Variants in WWOX observed in about 807,000 individuals in gnomAD.
The protein encoded by WWOX is WW domain containing oxidoreductase.
In WWOX, 69 loss-of-function variants were observed where a neutral mutation model predicts 46.2. The observed-to-expected ratio is 1.49, with a 90% CI of 1.23 to 1.82. The LOEUF (loss-of-function observed/expected upper bound fraction) is 1.82, where lower values mean the gene tolerates loss of function less well. WWOX is among the 40% of genes most tolerant of loss of function. The pLI is 0.00. For synonymous variants in WWOX, 359 were observed against 202.6 expected, an observed-to-expected ratio of 1.77 and a Z score of -6.56; for missense variants, 919 against 542.6, an observed-to-expected ratio of 1.69 and a Z score of -6.89.
intron 5 of WWOX, among the ~76,000 whole-genome samples, chr16:78,363,840 C>A (rs918434167): frequency 3.3e-5 from 5 of 152,108 alleles, no homozygotes; most frequent in South Asian, 4.1e-4. Context: ...CAGGAACTTG[C>A]CCGAGGTCAT....
intron 8 of WWOX, among the ~76,000 whole-genome samples, chr16:78,657,040 C>G (rs1419421916): frequency 6.6e-6 from 1 of 152,166 alleles, no homozygotes; most frequent in Non-Finnish European, 1.5e-5. Flanking sequence ...GAAAATAATG[C>G]AGCCCCTTGT....
At chr16:79,049,751 C>T (rs951299062) in intron 8 of WWOX, among the ~76,000 whole-genome samples, 1 of 150,634 alleles carries the variant, frequency 6.6e-6, no homozygotes, top group Non-Finnish European at 1.5e-5. Context: ...CAGAGAATTG[C>T]TTGAACCTGG....
intron 8 of WWOX, among the ~76,000 whole-genome samples, chr16:79,053,859 C>T (rs8052586): frequency 0.068 from 10,387 of 152,166 alleles, 500 homozygotes; most frequent in African/African-American, 0.12. Context: ...AGTTTGCCAG[C>T]CCGAAAACTC....
chr16:79,116,143 T>C (rs1224970482), intron 8 of WWOX, among the ~76,000 whole-genome samples: 1 of 152,236 alleles, frequency 6.6e-6, no homozygotes, highest in Non-Finnish European at 1.5e-5. Flanking sequence ...CAGCAAGTTG[T>C]CATCTTTTTG....
chr16:78,882,973 C>G (rs1158425216), intron 8 of WWOX, among the ~76,000 whole-genome samples: 1 of 152,152 alleles, frequency 6.6e-6, no homozygotes, highest in East Asian at 1.9e-4. Context: ...AGCCACAGAA[C>G]TGTGAGTGAC....
At position 79,060,780 on chromosome 16, in the gene WWOX, C is replaced by T. The variant is rs2048344714; in HGVS notation, c.1057-150828C>T. Among the ~76,000 whole-genome samples the T allele has an allele frequency of 2.0e-5, 3 of 152,292 alleles. No individual in the cohort carries two copies. The South Asian group carries it at 6.2e-4, about 32-fold the overall frequency. ...CTCTGTTTTTTAAGACTCTCAGTCT[C>T]CTTGCAGGTGCCTTTGGAGAGTTAG... is the stretch of plus-strand genomic sequence containing the variant. On this transcript the variant is annotated intron_variant, in intron 8 of 8. Coordinates refer to ENST00000566780, the MANE Select transcript of WWOX (RefSeq NM_016373.4).
chr16:78,602,337 A>G (rs1018102452), intron 8 of WWOX, among the ~76,000 whole-genome samples: 3 of 152,094 alleles, frequency 2.0e-5, no homozygotes, highest in Admixed American at 6.5e-5. Flanking sequence ...GGTTCCAGCG[A>G]TTCTCCTGCC....
rs530184383 is a variant in WWOX, at chr16:78,125,642, G to T, written c.409+10488G>T. 3.3e-5 allele frequency among the ~76,000 whole-genome samples: 5 copies of T among 152,204 alleles called. No individual in the cohort carries two copies. The South Asian group carries it at 6.2e-4, about 19-fold the overall frequency. ...TTTGGGAGGCTGAGGCAGGAGGATT[G>T]CTTGAGCTCAGGGGTTCGAGAGCAG... On this transcript the variant is annotated intron_variant, in intron 4 of 8. Transcript: ENST00000566780.
At chr16:78,843,912 C>T (rs920631179) in intron 8 of WWOX, among the ~76,000 whole-genome samples, 68 of 152,234 alleles carry the variant, frequency 4.5e-4, no homozygotes, top group African/African-American at 1.5e-3. Flanking sequence ...GCTGTCCACT[C>T]GGTTCCTAAT....
intron 8 of WWOX, among the ~76,000 whole-genome samples, chr16:79,021,812 C>G (rs1389114129): frequency 6.6e-6 from 1 of 152,206 alleles, no homozygotes; most frequent in African/African-American, 2.4e-5. Context: ...ATTAAGGAGT[C>G]TGCACTAGCT....
intron 8 of WWOX, among the ~76,000 whole-genome samples, chr16:78,624,237 C>T (rs947932496): frequency 3.5e-5 from 5 of 142,584 alleles, no homozygotes; most frequent in South Asian, 2.2e-4. Flanking sequence ...GAATCATGTT[C>T]CCTTCGGAAA....
intron 8 of WWOX, among the ~76,000 whole-genome samples, chr16:78,466,211 T>G (rs1035953614): frequency 6.6e-6 from 1 of 152,132 alleles, no homozygotes; most frequent in East Asian, 1.9e-4. Context: ...TTTTGTGTTT[T>G]TAGTAGAGAC....
chr16:78,739,940 A>C (rs1008879641), intron 8 of WWOX, among the ~76,000 whole-genome samples: 1 of 152,162 alleles, frequency 6.6e-6, no homozygotes, highest in Non-Finnish European at 1.5e-5. Flanking sequence ...GCATATACAC[A>C]TTGAACTCAG....
At chr16:78,871,772 TG>T (rs1433213453) in intron 8 of WWOX, among the ~76,000 whole-genome samples, 2 of 152,148 alleles carry the variant, frequency 1.3e-5, no homozygotes, top group African/African-American at 4.8e-5. Context: ...CCTAATTTTT[TG>T]TATCTTTTTT....
chr16:78,946,796 G>T (rs2045957747), intron 8 of WWOX, among the ~76,000 whole-genome samples: 1 of 152,094 alleles, frequency 6.6e-6, no homozygotes, highest in South Asian at 2.1e-4. Flanking sequence ...CTCAGTGCAA[G>T]ACAAGATTCT....
intron 5 of WWOX, among the ~76,000 whole-genome samples, chr16:78,227,327 T>A (rs932102539): frequency 4.6e-5 from 7 of 151,750 alleles, no homozygotes; most frequent in African/African-American, 1.7e-4. Flanking sequence ...ATTTAAGGAG[T>A]CTTGGGAGGT....
chr16:78,520,080 A>G (rs1293720856), intron 8 of WWOX, among the ~76,000 whole-genome samples: 2 of 152,130 alleles, frequency 1.3e-5, no homozygotes, highest in African/African-American at 4.8e-5. Context: ...CTTAGTTTCG[A>G]AAGGTTTCTC....
At chr16:78,785,686 G>C (rs972826618) in intron 8 of WWOX, among the ~76,000 whole-genome samples, 1 of 152,206 alleles carries the variant, frequency 6.6e-6, no homozygotes, top group Non-Finnish European at 1.5e-5. Context: ...TAAAATTGCA[G>C]TATGTAGCTG....
intron 8 of WWOX, among the ~76,000 whole-genome samples, chr16:79,076,833 G>A (rs1164085334): frequency 6.6e-6 from 1 of 152,208 alleles, no homozygotes; most frequent in Admixed American, 6.5e-5. Context: ...CTTAACGCAT[G>A]TGAATAACAA....
Sources: gnomAD v4.1 joint callset for allele counts (sites outside exome capture counted in the v4.1 genomes callset) on GRCh38, gnomAD v4.1.1 for gene constraint, MANE v1.5 for transcripts, NCBI Gene and HGNC (gene_info 2026-07-23, HGNC 2026-07-21) for gene names.